The following ZNF776 variants were observed in gnomAD, a reference collection of about 807,000 sequenced individuals.
ZNF776 encodes zinc finger protein 776.
In ZNF776, 4 loss-of-function variants were observed where a neutral mutation model predicts 7.0. That is an observed-to-expected ratio of 0.57 (90% confidence interval 0.28 to 1.31). ZNF776 has a LOEUF of 1.31. ZNF776 is among the 50% of genes most tolerant of loss of function. ZNF776 has a pLI of 0.10. For missense variants in ZNF776, 555 were observed against 625.9 expected (o/e 0.89, Z 1.21); for synonymous variants, 212 against 213.7 (o/e 0.99, Z 0.07).
In ZNF776 at chr19:57,747,014, A is replaced by C; in HGVS notation, c.-45A>C. The C allele has an allele frequency of 6.5e-7, 1 of 1,543,490 alleles. No individual in the cohort carries two copies. The highest frequency in any genetic ancestry group is 8.8e-7 in the Non-Finnish European group (1 of 1,141,008). On this transcript the variant is annotated 5_prime_UTR_variant, in exon 1 of 3. Coordinates refer to ENST00000317178, the MANE Select transcript of ZNF776 (RefSeq NM_173632.4). ...GGGACCACCGTGCCCGGGTACCTGCACTGCTCGCCCCCTCCTTTCGACCCC... is the reference window on the plus strand; with the variant it reads ...GGGACCACCGTGCCCGGGTACCTGCCCTGCTCGCCCCCTCCTTTCGACCCC...
In ZNF776 at chr19:57,753,473, G is replaced by A; in HGVS notation, c.343G>A (p.Gly115Arg). ...QGTQHNQKLN[G>R]FGAYEKKLDD... ...AACACAACACAATCAGAAATTGAAT[G>A]GGTTTGGGGCATATGAAAAAAAATT... Residue 115 changes from glycine (G) to arginine (R), a missense_variant, in exon 3 of 3, where the codon GGG (glycine) becomes AGG (arginine). Physicochemically the swap from Gly to Arg is moderately radical, Grantham distance 125. Transcript: ENST00000317178. The A allele has an allele frequency of 2.5e-6, 4 of 1,614,138 alleles. No individual in the cohort carries two copies. Among genetic ancestry groups the A allele is most frequent in the Non-Finnish European group, 3.4e-6 (4 of 1,180,022 alleles).
rs542803032 is a variant in ZNF776 at position 57,755,541 on chromosome 19, T to C, written c.*854T>C. On this transcript the variant is annotated 3_prime_UTR_variant, in exon 3 of 3. Transcript: ENST00000317178. Reference sequence around the variant, plus strand: ...CATTTGCGAGGGCTTCACTCTTCTTTCACTGGATACCAGAATGTTGACAGG... The same window carrying C: ...CATTTGCGAGGGCTTCACTCTTCTTCCACTGGATACCAGAATGTTGACAGG... 6.6e-6 allele frequency: 1 copy of C among 152,356 alleles called. No homozygotes were observed. The highest frequency in any genetic ancestry group is 6.5e-5 in the Admixed American group (1 of 15,302). 9.4% of individuals were successfully genotyped at this position (152,356 alleles called of 1,614,324 possible).
intron 1 of ZNF776, 91 bp from the exon 2 acceptor site, chr19:57,750,694 A>G: frequency 2.1e-6 from 3 of 1,462,896 alleles, no homozygotes; most frequent in East Asian, 2.5e-5. Flanking sequence ...TTCTCCTTGT[A>G]GTTTAGGACC....
chr19:57,752,588 T>C (rs1246904859), intron 2 of ZNF776, among the ~76,000 whole-genome samples: 2 of 152,186 alleles, frequency 1.3e-5, no homozygotes, highest in African/African-American at 2.4e-5. Context: ...AGGAAAGTCA[T>C]GCTAGAAGCT....
Position 57,746,959 on chromosome 19 carries a change from C to A in ZNF776, c.-100C>A. ...GCTGCTCTGCAGCTCCTTAAAGGCG[C>A]TAGGCGTGACCCGCACCAAGGCCGG... On this transcript the variant is annotated 5_prime_UTR_variant, in exon 1 of 3. Coordinates refer to ENST00000317178, the MANE Select transcript of ZNF776 (RefSeq NM_173632.4). 7.8e-7 allele frequency: 1 copy of A among 1,284,724 alleles called. No individual in the cohort carries two copies. The highest frequency in any genetic ancestry group is 1.1e-6 in the Non-Finnish European group (1 of 935,788). The allele number at this position is 1,284,724 out of a possible 1,614,324, so 79.6% of individuals were successfully genotyped here.
At position 57,751,342 on chromosome 19, in the gene ZNF776, A is replaced by G. The variant is rs558572359; in HGVS notation, c.160+431A>G. ...AGGTTGTTCTTGCAAGACCCTCCTT[A>G]TAAATTATCTTGTTTGTTTTGTTTT... is the stretch of plus-strand genomic sequence containing the variant. On this transcript the variant is annotated intron_variant, in intron 2 of 2. Transcript: ENST00000317178. Among the ~76,000 whole-genome samples the G allele has an allele frequency of 4.9e-5, 7 of 142,596 alleles. No homozygotes were observed. In the South Asian group the frequency reaches 1.6e-3, roughly 32 times the overall value. 93.5% of individuals were successfully genotyped at this position (142,596 alleles called of 152,430 possible).
rs527240311 is a variant in ZNF776, at chr19:57,758,110, A to AT, written c.*3428dup. On this transcript the variant is annotated 3_prime_UTR_variant, in exon 3 of 3. Transcript: ENST00000317178. ...GCTTATGGATATGTTATTGCTTCTT[A>AT]TTTTTGTCTGTTAGGAATAAAACTG... is the stretch of plus-strand genomic sequence containing the variant. The AT allele has an allele frequency of 1.3e-5, 2 of 152,090 alleles. No homozygotes were observed. Among genetic ancestry groups the AT allele is most frequent in the Non-Finnish European group, 2.9e-5 (2 of 68,022 alleles). 9.4% of individuals were successfully genotyped at this position (152,090 alleles called of 1,614,324 possible).
rs1414287191 is a variant in ZNF776 at position 57,756,801 on chromosome 19, T to C, written c.*2114T>C. Reference sequence around the variant, plus strand: ...ATTCATGTGTCCTGAAGTCCAGAATTCTGTAGGATAGTGTCCTACGTTATA... The same window carrying C: ...ATTCATGTGTCCTGAAGTCCAGAATCCTGTAGGATAGTGTCCTACGTTATA... On this transcript the variant is annotated 3_prime_UTR_variant, in exon 3 of 3. Coordinates refer to ENST00000317178, the MANE Select transcript of ZNF776 (RefSeq NM_173632.4). 2.3e-6 allele frequency: 1 copy of C among 438,374 alleles called. No homozygotes were observed. The highest frequency in any genetic ancestry group is 7.0e-5 in the East Asian group (1 of 14,188). 27.2% of individuals were successfully genotyped at this position (438,374 alleles called of 1,614,324 possible). A position where few individuals can be genotyped will look rare whatever the true frequency, so the allele number is the denominator to read the frequency against.
chr19:57,754,966 C>G lies in ZNF776; in HGVS notation c.*279C>G, dbSNP rs1280341239. 2.2e-6 allele frequency: 1 copy of G among 453,830 alleles called. No individual in the cohort carries two copies. Among genetic ancestry groups the G allele is most frequent in the Admixed American group, 3.9e-5 (1 of 25,910 alleles). 28.1% of individuals were successfully genotyped at this position (453,830 alleles called of 1,614,324 possible). A position where few individuals can be genotyped will look rare whatever the true frequency, so the allele number is the denominator to read the frequency against. On this transcript the variant is annotated 3_prime_UTR_variant, in exon 3 of 3. Transcript: ENST00000317178. ...TTTGGGAAATTACCTAACAAGAAGT[C>G]CCACCTCACTGAACACTACTGAGTT...
Position 57,754,892 on chromosome 19 carries a change from C to A in ZNF776, c.*205C>A. ...CCTGTACATAGAAGTTTTGCCTCAC[C>A]AAATACCAGAAGGGTCACACTGGAG... On this transcript the variant is annotated 3_prime_UTR_variant, in exon 3 of 3. Coordinates refer to ENST00000317178, the MANE Select transcript of ZNF776 (RefSeq NM_173632.4). 2 of 533,588 alleles carry A rather than the reference C, an allele frequency of 3.7e-6. No homozygotes were observed. Among genetic ancestry groups the A allele is most frequent in the Non-Finnish European group, 6.6e-6 (2 of 303,920 alleles). The allele number at this position is 533,588 out of a possible 1,614,324, so 33.1% of individuals were successfully genotyped here.
At chr19:57,750,017 T>C (rs1372217556) in intron 1 of ZNF776, among the ~76,000 whole-genome samples, 1 of 152,118 alleles carries the variant, frequency 6.6e-6, no homozygotes, top group Non-Finnish European at 1.5e-5. Context: ...CCCTTACTGG[T>C]AGAAGGAAGA....
In ZNF776 at chr19:57,753,482, G is replaced by T. The variant is rs983660752; in HGVS notation, c.352G>T (p.Ala118Ser). The change falls in exon 3 of 3, where the codon GCA (alanine) becomes TCA (serine). Residue 118 changes from alanine (A) to serine (S), a missense_variant. Ala to Ser is a moderately conservative substitution (Grantham distance 99). Coordinates refer to ENST00000317178, the MANE Select transcript of ZNF776 (RefSeq NM_173632.4). ...CAATCAGAAATTGAATGGGTTTGGG[G>T]CATATGAAAAAAAATTGGATGACGA... Reference protein sequence around the residue: ...QHNQKLNGFGAYEKKLDDDAN... With the variant: ...QHNQKLNGFGSYEKKLDDDAN... 1.2e-6 allele frequency: 2 copies of T among 1,614,132 alleles called. No homozygotes were observed. Among genetic ancestry groups the T allele is most frequent in the Non-Finnish European group, 8.5e-7 (1 of 1,180,012 alleles).
chr19:57,753,382 A>G lies in ZNF776; in HGVS notation c.252A>G (p.Val84=), dbSNP rs1320003894. ...ESPLRTHWTG[V]CTKKVHLWGM... is the part of the protein sequence containing the mutation. ...CACTCAGGACACATTGGACAGGTGT[A>G]TGTACCAAGAAGGTCCACCTCTGGG... is the stretch of plus-strand genomic sequence containing the variant. The change falls in exon 3 of 3, where the codon GTA becomes GTG. Residue 84 remains valine, a synonymous_variant. Coordinates refer to ENST00000317178, the MANE Select transcript of ZNF776 (RefSeq NM_173632.4). 3 of 1,614,222 alleles carry G rather than the reference A, an allele frequency of 1.9e-6. No individual in the cohort carries two copies. The highest frequency in any genetic ancestry group is 2.2e-5 in the South Asian group (2 of 91,088).
chr19:57,755,007 C>T lies in ZNF776; in HGVS notation c.*320C>T. On this transcript the variant is annotated 3_prime_UTR_variant, in exon 3 of 3. Coordinates refer to ENST00000317178, the MANE Select transcript of ZNF776 (RefSeq NM_173632.4). ...CTACTGAGTTCACAGTTGAGAAAGG[C>T]CATATGACTGTAAGGAATTTGTAAA... The T allele has an allele frequency of 3.3e-6, 1 of 303,550 alleles. No homozygotes were observed. The highest frequency in any genetic ancestry group is 6.1e-6 in the Non-Finnish European group (1 of 162,912). 18.8% of individuals were successfully genotyped at this position (303,550 alleles called of 1,614,324 possible).
chr19:57,750,649 G>A, intron 1 of ZNF776, 136 bp from the exon 2 acceptor site: 1 of 1,159,332 alleles, frequency 8.6e-7, no homozygotes, highest in Non-Finnish European at 1.2e-6. Flanking sequence ...TGACCAGTGA[G>A]CCCATGAGAA....
At position 57,751,131 on chromosome 19, in the gene ZNF776, A is replaced by C. The variant is rs142561461; in HGVS notation, c.160+220A>C. Among the ~76,000 whole-genome samples, 4 of 152,284 alleles carry C rather than the reference A, an allele frequency of 2.6e-5. No homozygotes were observed. The East Asian group carries it at 7.7e-4, about 29-fold the overall frequency. On this transcript the variant is annotated intron_variant, in intron 2 of 2. Transcript: ENST00000317178. ...CACCTGCTTTGCTGCAAGCTCCCAGAGAAGGAGCTTTACAGGCACCATAAT... is the reference window on the plus strand; with the variant it reads ...CACCTGCTTTGCTGCAAGCTCCCAGCGAAGGAGCTTTACAGGCACCATAAT...
At chr19:57,748,524 G>T (rs953488803) in intron 1 of ZNF776, among the ~76,000 whole-genome samples, 1 of 152,136 alleles carries the variant, frequency 6.6e-6, no homozygotes, top group Non-Finnish European at 1.5e-5. Flanking sequence ...ATGCTATGGT[G>T]AGTGAGCCAT....
chr19:57,749,558 C>A (rs1986542370), intron 1 of ZNF776, among the ~76,000 whole-genome samples: 1 of 152,142 alleles, frequency 6.6e-6, no homozygotes, highest in African/African-American at 2.4e-5. Context: ...AAATGGAGGC[C>A]CAATATGATG....
intron 1 of ZNF776, among the ~76,000 whole-genome samples, chr19:57,748,339 G>T (rs1303942648): frequency 6.6e-6 from 1 of 152,196 alleles, no homozygotes; most frequent in Non-Finnish European, 1.5e-5. Context: ...GCTGAGATGA[G>T]CATGTTGGTA....
Sources: allele counts gnomAD v4.1 joint callset (sites outside exome capture counted in the v4.1 genomes callset), GRCh38; gene constraint gnomAD v4.1.1; transcripts MANE v1.5; gene names NCBI Gene and HGNC (gene_info 2026-07-23, HGNC 2026-07-21).